The following SLC6A19 variants were observed in gnomAD, a reference collection of about 807,000 sequenced individuals.
SLC6A19 encodes solute carrier family 6 member 19, also known as sodium-dependent neutral amino acid transporter B(0)AT1.
SLC6A19 carries 67 observed loss-of-function variants against 68.3 expected under a neutral mutation model. That is an observed-to-expected ratio of 0.98 (90% confidence interval 0.81 to 1.20). The LOEUF (loss-of-function observed/expected upper bound fraction) is 1.20, where lower values mean the gene tolerates loss of function less well. SLC6A19 is among the 50% of genes most tolerant of loss of function. The pLI is 0.00. For synonymous variants in SLC6A19, 392 were observed against 374.9 expected, an observed-to-expected ratio of 1.05 and a Z score of -0.53; for missense variants, 813 against 851.6, an observed-to-expected ratio of 0.95 and a Z score of 0.56.
rs993343609 is a variant in SLC6A19 at position 1,215,291 on chromosome 5, G to T, written c.887+1226G>T. On this transcript the variant is annotated intron_variant, in intron 6 of 11. Transcript: ENST00000304460. This position sits in a 1 kb window ranked among gnomAD's most constrained non-coding sequence, Gnocchi z 5.1. ...ACCACACAACTCCCCCATTTGGAAT[G>T]CCCAGTTCAATGGTCTTAAGTACAT... Among the ~76,000 whole-genome samples the T allele has an allele frequency of 3.3e-5, 5 of 152,194 alleles. No homozygotes were observed. The highest frequency in any genetic ancestry group is 1.2e-4 in the African/African-American group (5 of 41,428).
In SLC6A19 at chr5:1,210,856, C is replaced by T. The variant is rs543867742; in HGVS notation, c.481+275C>T. ...GGGCCCCCGGTCACCAGCCTGGAGC[C>T]CCAGGCTGCTGGGAGGCTGCTCCCT... is the stretch of plus-strand genomic sequence containing the variant. On this transcript the variant is annotated intron_variant, in intron 3 of 11. Coordinates refer to ENST00000304460, the MANE Select transcript of SLC6A19 (RefSeq NM_001003841.3). Among the ~76,000 whole-genome samples the T allele has an allele frequency of 3.3e-5, 5 of 152,228 alleles. No homozygotes were observed. The South Asian group carries it at 8.3e-4, about 25-fold the overall frequency.
chr5:1,219,132 C>T (rs373415077), intron 9 of SLC6A19, 25 bp downstream of exon 9: 1 of 1,593,632 alleles, frequency 6.3e-7, no homozygotes, highest in Non-Finnish European at 8.5e-7. Flanking sequence ...GGGAGGGGTC[C>T]CCATGGCAAT....
At chr5:1,207,263 C>T (rs1195522261) in intron 1 of SLC6A19, among the ~76,000 whole-genome samples, 1 of 152,220 alleles carries the variant, frequency 6.6e-6, no homozygotes, top group East Asian at 1.9e-4. Context: ...TGCCGAGCAC[C>T]TTGGGCACCG....
rs148328575 is a variant in SLC6A19, at chr5:1,213,483, G to A, written c.684G>A (p.Thr228=). 8.0e-5 allele frequency: 114 copies of A among 1,429,080 alleles called. No homozygotes were observed. The highest frequency in any genetic ancestry group is 6.2e-4 in the African/African-American group (39 of 63,288). The allele number at this position is 1,429,080 out of a possible 1,614,324, so 88.5% of individuals were successfully genotyped here. The change falls in exon 5 of 12, where the codon ACG becomes ACA. Residue 228 remains threonine, a synonymous_variant. Coordinates refer to ENST00000304460, the MANE Select transcript of SLC6A19 (RefSeq NM_001003841.3). ...TTGKAVYITS[T]LPYVVLTIFL... ...CGCAGGCCGTGTACATCACCTCCAC[G>A]CTGCCCTATGTCGTCCTGACCATCT...
chr5:1,210,939 C>A (rs1007546562), intron 3 of SLC6A19, among the ~76,000 whole-genome samples: 5 of 152,208 alleles, frequency 3.3e-5, no homozygotes, highest in Non-Finnish European at 7.4e-5. Flanking sequence ...TGCATCCCTG[C>A]GTTGCTCCGC....
At position 1,214,000 on chromosome 5, in the gene SLC6A19, G is replaced by A. The variant is rs780089851; in HGVS notation, c.822G>A (p.Gln274=). 6.2e-7 allele frequency: 1 copy of A among 1,613,720 alleles called. No individual in the cohort carries two copies. Among genetic ancestry groups the A allele is most frequent in the South Asian group, 1.1e-5 (1 of 91,090 alleles). The change falls in exon 6 of 12, where the codon CAG becomes CAA. Residue 274 remains glutamine, a synonymous_variant. Transcript: ENST00000304460. The part of the protein sequence containing the change: ...QPDTWLDAGA[Q]VFFSFSLAFG... ...ACACCTGGCTGGACGCGGGCGCACAGGTCTTCTTCTCCTTCTCCCTGGCCT... is the reference window on the plus strand; with the variant it reads ...ACACCTGGCTGGACGCGGGCGCACAAGTCTTCTTCTCCTTCTCCCTGGCCT...
intron 3 of SLC6A19, 29 bp downstream of exon 3, chr5:1,210,610 C>G: frequency 1.9e-6 from 3 of 1,610,672 alleles, no homozygotes; most frequent in Non-Finnish European, 2.5e-6. Flanking sequence ...CCCCATCCGT[C>G]TCACCTGTGA....
At chr5:1,210,372 G>A (rs1745990212) in intron 2 of SLC6A19, 72 bp from the exon 3 acceptor site, 16 of 1,598,670 alleles carry the variant, frequency 1.0e-5, no homozygotes, top group Non-Finnish European at 1.4e-5. Context: ...GGGACCTCCT[G>A]CTCAGAGTGG....
At position 1,208,821 on chromosome 5, in the gene SLC6A19, G is replaced by C; in HGVS notation, c.278G>C (p.Gly93Ala). The change falls in exon 2 of 12, where the codon GGG becomes GCG. Residue 93 changes from glycine (G) to alanine (A), a missense_variant. Physicochemically the swap from Gly to Ala is moderately conservative, Grantham distance 60. Coordinates refer to ENST00000304460, the MANE Select transcript of SLC6A19 (RefSeq NM_001003841.3). Reference protein sequence around the residue: ...IPLLYLEFAIGQRLRRGSLGV... With the variant: ...IPLLYLEFAIAQRLRRGSLGV... ...CTGCTGTACCTGGAGTTCGCCATCG[G>C]GCAGCGGCTGCGGCGGGGCAGCCTG... 6.2e-7 allele frequency: 1 copy of C among 1,613,374 alleles called. No homozygotes were observed. Among genetic ancestry groups the C allele is most frequent in the Non-Finnish European group, 8.5e-7 (1 of 1,180,012 alleles).
chr5:1,207,412 G>A (rs6554660), intron 1 of SLC6A19, among the ~76,000 whole-genome samples: 45,778 of 152,210 alleles, frequency 0.3, 7,159 homozygotes, highest in Non-Finnish European at 0.35. Flanking sequence ...GTTCATGGGC[G>A]CGGCCAGGCC....
chr5:1,208,480 C>CT (rs1474742131), intron 1 of SLC6A19, among the ~76,000 whole-genome samples: 1 of 152,154 alleles, frequency 6.6e-6, no homozygotes, highest in African/African-American at 2.4e-5. Context: ...CCACACCTCC[C>CT]TTAACGACAG....
chr5:1,221,430 C>A (rs1418569843), intron 11 of SLC6A19, 117 bp downstream of exon 11: 5 of 1,290,900 alleles, frequency 3.9e-6, no homozygotes, highest in Non-Finnish European at 5.4e-6. Context: ...CACATGGGCA[C>A]ACACACTCAC....
chr5:1,205,866 C>G (rs1745837618), intron 1 of SLC6A19, among the ~76,000 whole-genome samples: 1 of 152,346 alleles, frequency 6.6e-6, no homozygotes, highest in African/African-American at 2.4e-5. Flanking sequence ...CCCCCACACC[C>G]TCCCATAGGG....
At chr5:1,219,161 G>T (rs1746289845) in intron 9 of SLC6A19, 54 bp downstream of exon 9, 1 of 1,539,158 alleles carries the variant, frequency 6.5e-7, no homozygotes. Context: ...CTGTGGGATG[G>T]CAGCCCCCGG....
rs573002155 is a variant in SLC6A19 at position 1,214,845 on chromosome 5, T to C, written c.887+780T>C. Among the ~76,000 whole-genome samples the C allele has an allele frequency of 7.0e-4, 15 of 21,380 alleles. 1 individual carries two copies. The South Asian group carries it at 0.019, about 28-fold the overall frequency. 14.0% of individuals were successfully genotyped at this position (21,380 alleles called of 152,430 possible). On this transcript the variant is annotated intron_variant, in intron 6 of 11. Coordinates refer to ENST00000304460, the MANE Select transcript of SLC6A19 (RefSeq NM_001003841.3). The surrounding 1 kb of genome is among the most constrained non-coding windows in gnomAD (Gnocchi z 7.4). Reference sequence around the variant, plus strand: ...TGGGTAGGGAGGGTGGGGCCTAGACTGGACGGGGGCCTGGGTAGGGAGGGT... The same window carrying C: ...TGGGTAGGGAGGGTGGGGCCTAGACCGGACGGGGGCCTGGGTAGGGAGGGT...
At chr5:1,204,672 G>GC (rs67520985) in intron 1 of SLC6A19, among the ~76,000 whole-genome samples, 2 of 148,632 alleles carry the variant, frequency 1.3e-5, no homozygotes, top group Non-Finnish European at 3.1e-5. Context: ...CTCAGGGGCT[G>GC]CCCCCCCAGC....
In SLC6A19 at chr5:1,216,785, G is replaced by T. The variant is rs35329108; in HGVS notation, c.1017-4G>T. 4 of 1,613,520 alleles carry T rather than the reference G, an allele frequency of 2.5e-6. No individual in the cohort carries two copies. In the East Asian group the frequency reaches 6.7e-5, roughly 27 times the overall value. ...GTGGCCGTCAGCCTCAATCTGACCC[G>T]CAGGAACATCCTGACCCTCATCAAC... On this transcript the variant is annotated splice_polypyrimidine_tract_variant and splice_region_variant and intron_variant, in intron 7 of 11. Transcript: ENST00000304460.
chr5:1,216,823 C>T lies in SLC6A19; in HGVS notation c.1051C>T (p.Pro351Ser), dbSNP rs374559483. The T allele has an allele frequency of 2.5e-5, 40 of 1,613,718 alleles. No individual in the cohort carries two copies. In the African/African-American group the frequency reaches 4.9e-4, roughly 20 times the overall value. ...ILTLINGFDLPEGNVTQENFV... is the reference protein window; with the variant it reads ...ILTLINGFDLSEGNVTQENFV... ...GACCCTCATCAACGGGTTCGACCTGCCTGAAGGCAACGTGACCCAGGAGAA... is the reference window on the plus strand; with the variant it reads ...GACCCTCATCAACGGGTTCGACCTGTCTGAAGGCAACGTGACCCAGGAGAA... Residue 351 changes from proline (P) to serine (S), a missense_variant, in exon 8 of 12, where the codon CCT becomes TCT. Transcript: ENST00000304460.
chr5:1,221,476 T>A (rs1317819202), intron 11 of SLC6A19, among the ~76,000 whole-genome samples, 163 bp downstream of exon 11: 1 of 152,068 alleles, frequency 6.6e-6, no homozygotes, highest in Non-Finnish European at 1.5e-5. Flanking sequence ...CCACGCATCT[T>A]GCTGGTTCCC....
Sources: allele counts gnomAD v4.1 joint callset (sites outside exome capture counted in the v4.1 genomes callset), GRCh38; gene constraint gnomAD v4.1.1; non-coding constraint Gnocchi (gnomAD v3.1); transcripts MANE v1.5; gene names NCBI Gene and HGNC (gene_info 2026-07-23, HGNC 2026-07-21).